The following PLD5 variants were observed in gnomAD, a reference collection of about 807,000 sequenced individuals.
The protein encoded by PLD5 is phospholipase D family member 5.
A neutral mutation model predicts 61.1 loss-of-function variants in PLD5; 36 were observed. The observed-to-expected ratio is 0.59, with a 90% CI of 0.45 to 0.78. The LOEUF (loss-of-function observed/expected upper bound fraction) is 0.78, where lower values mean the gene tolerates loss of function less well. PLD5 is among the 30% of genes least tolerant of loss of function. PLD5 has a pLI of 0.00. For synonymous variants in PLD5, 243 were observed against 242.8 expected, an observed-to-expected ratio of 1.00 and a Z score of -0.01; for missense variants, 515 against 644.4, an observed-to-expected ratio of 0.80 and a Z score of 2.17.
chr1:242,091,568 C>T (rs948080837), intron 9 of PLD5, among the ~76,000 whole-genome samples: 1 of 152,188 alleles, frequency 6.6e-6, no homozygotes, highest in Admixed American at 6.5e-5. Flanking sequence ...ACAGTATGTG[C>T]TTTCGGGATA....
intron 1 of PLD5, among the ~76,000 whole-genome samples, chr1:242,474,402 T>C (rs558457385): frequency 1.3e-5 from 2 of 152,328 alleles, no homozygotes; most frequent in Non-Finnish European, 2.9e-5. Flanking sequence ...CTATCCCATA[T>C]TCAATCAGCT....
intron 1 of PLD5, among the ~76,000 whole-genome samples, chr1:242,497,741 C>T (rs1186095899): frequency 6.6e-6 from 1 of 152,190 alleles, no homozygotes; most frequent in East Asian, 1.9e-4. Context: ...TACAGCTCTG[C>T]TTTCTATCGG....
At position 242,100,934 on chromosome 1, in the gene PLD5, A is replaced by G; in HGVS notation, c.1240-152T>C. Reference sequence around the variant, plus strand: ...CTTATTACCTCATATAGATGAAGCTATTTTTGTTCTCAAATCTAAATAGGC... The same window carrying G: ...CTTATTACCTCATATAGATGAAGCTGTTTTTGTTCTCAAATCTAAATAGGC... On this transcript the variant is annotated intron_variant, in intron 8 of 9. Transcript: ENST00000536534. 5.0e-6 allele frequency: 3 copies of G among 600,904 alleles called. No individual in the cohort carries two copies. The South Asian group carries it at 6.4e-5, about 13-fold the overall frequency. The allele number at this position is 600,904 out of a possible 1,614,324, so 37.2% of individuals were successfully genotyped here.
chr1:242,104,356 AC>A (rs1370708758), intron 8 of PLD5, among the ~76,000 whole-genome samples: 1 of 147,562 alleles, frequency 6.8e-6, no homozygotes, highest in Non-Finnish European at 1.5e-5. Context: ...CTGGTCTTGA[AC>A]TCTTGGCCTC....
chr1:242,413,642 G>A (rs1231010551), intron 1 of PLD5, among the ~76,000 whole-genome samples: 1 of 152,176 alleles, frequency 6.6e-6, no homozygotes, highest in African/African-American at 2.4e-5. Flanking sequence ...GAGTGCATGG[G>A]GCAGGGCTGG....
chr1:242,297,298 C>T (rs184940322), intron 2 of PLD5, among the ~76,000 whole-genome samples: 2 of 132,554 alleles, frequency 1.5e-5, no homozygotes, highest in South Asian at 2.5e-4. Context: ...GAGCCAAGAG[C>T]GTGACACTGC....
In PLD5 at chr1:242,524,320, C is replaced by A. The variant is rs979103691; in HGVS notation, c.-44G>T. The A allele has an allele frequency of 2.2e-6, 3 of 1,358,494 alleles. No homozygotes were observed. The highest frequency in any genetic ancestry group is 2.8e-6 in the Non-Finnish European group (3 of 1,063,382). The allele number at this position is 1,358,494 out of a possible 1,614,324, so 84.2% of individuals were successfully genotyped here. A position where few individuals can be genotyped will look rare whatever the true frequency, so the allele number is the denominator to read the frequency against. On this transcript the variant is annotated 5_prime_UTR_variant, in exon 1 of 10. Coordinates refer to ENST00000536534, the MANE Select transcript of PLD5 (RefSeq NM_001372062.1). ...CCGCCGGCGAGCAGCGGACTCGGGA[C>A]GGGCGCGCGGGGAGCCGGGCGCGGA...
chr1:242,342,151 G>A (rs536028233), intron 2 of PLD5, among the ~76,000 whole-genome samples: 1 of 152,316 alleles, frequency 6.6e-6, no homozygotes, highest in South Asian at 2.1e-4. Flanking sequence ...TCAGGGAGGA[G>A]AAGGATGCTG....
intron 5 of PLD5, among the ~76,000 whole-genome samples, chr1:242,201,572 A>C (rs1358772523): frequency 6.6e-6 from 1 of 152,132 alleles, no homozygotes; most frequent in African/African-American, 2.4e-5. Flanking sequence ...CCCAGGCTAG[A>C]GTGCCATGGT....
chr1:242,270,385 A>C (rs1673986125), intron 3 of PLD5, among the ~76,000 whole-genome samples: 1 of 152,162 alleles, frequency 6.6e-6, no homozygotes, highest in African/African-American at 2.4e-5. Flanking sequence ...ACGAGGACAC[A>C]GAGGTACAAG....
intron 1 of PLD5, among the ~76,000 whole-genome samples, chr1:242,425,779 A>T (rs1203527827): frequency 6.6e-6 from 1 of 151,358 alleles, no homozygotes; most frequent in Non-Finnish European, 1.5e-5. Flanking sequence ...AGTAGCTGGG[A>T]CTACAGGTGC....
intron 5 of PLD5, among the ~76,000 whole-genome samples, chr1:242,190,052 C>T (rs78728035): frequency 0.037 from 5,609 of 150,592 alleles, 354 homozygotes; most frequent in African/African-American, 0.13. Flanking sequence ...CAGGCAGCCT[C>T]GGCATCTCCT....
chr1:242,528,662 A>C (rs1042705856), upstream of PLD5, among the ~76,000 whole-genome samples: 1 of 152,204 alleles, frequency 6.6e-6, no homozygotes, highest in Non-Finnish European at 1.5e-5. Flanking sequence ...AATATCTGAA[A>C]GTAGTCTTGG....
chr1:242,361,847 C>T (rs1262432916), intron 1 of PLD5, among the ~76,000 whole-genome samples: 3 of 151,996 alleles, frequency 2.0e-5, no homozygotes, highest in African/African-American at 4.8e-5. Context: ...AAGGAATTTG[C>T]ACCTAGGCTG....
At chr1:242,163,207 G>A (rs946083560) in intron 5 of PLD5, among the ~76,000 whole-genome samples, 2 of 150,128 alleles carry the variant, frequency 1.3e-5, no homozygotes, top group East Asian at 2.0e-4. Flanking sequence ...GCAGTGGCGC[G>A]ATCTCGGCTC....
intron 1 of PLD5, among the ~76,000 whole-genome samples, chr1:242,480,564 A>G (rs1667739185): frequency 6.6e-6 from 1 of 152,204 alleles, no homozygotes; most frequent in Non-Finnish European, 1.5e-5. Context: ...ATAAATACGC[A>G]AACTACAGAG....
chr1:242,210,374 C>T (rs12132804), intron 5 of PLD5: 77,244 of 153,014 alleles, frequency 0.5, 20,766 homozygotes, highest in East Asian at 0.76. Context: ...TGCAGGTATA[C>T]GCCCAGATGG....
At chr1:242,520,134 G>GGCCAATCATCCAT (rs1669233781) in intron 1 of PLD5, among the ~76,000 whole-genome samples, 1 of 152,140 alleles carries the variant, frequency 6.6e-6, no homozygotes, top group Non-Finnish European at 1.5e-5. Flanking sequence ...ATACACATGA[G>GGCCAATCATCCAT]TCATATGAAT....
In PLD5 at chr1:242,382,050, G is replaced by T. The variant is rs1662309648; in HGVS notation, c.190-33808C>A. Among the ~76,000 whole-genome samples, 3 of 151,550 alleles carry T rather than the reference G, an allele frequency of 2.0e-5. 1 individual carries two copies. Among genetic ancestry groups the T allele is most frequent in the Admixed American group, 1.3e-4 (2 of 15,140 alleles). ...GTAGCCGACGCATTGGCTGTTTGGG[G>T]TGGGTGAGAGGGAAAGGAGAAACAG... On this transcript the variant is annotated intron_variant, in intron 1 of 9. Coordinates refer to ENST00000536534, the MANE Select transcript of PLD5 (RefSeq NM_001372062.1).
Sources: gnomAD v4.1 joint callset for allele counts (sites outside exome capture counted in the v4.1 genomes callset) on GRCh38, gnomAD v4.1.1 for gene constraint, MANE v1.5 for transcripts, NCBI Gene and HGNC (gene_info 2026-07-23, HGNC 2026-07-21) for gene names.